The following VPS35L variants were observed in gnomAD, a reference collection of about 807,000 sequenced individuals.
VPS35L encodes the protein VPS35 endosomal protein sorting factor like.
VPS35L carries 83 observed loss-of-function variants against 133.0 expected under a neutral mutation model. The ratio of observed to expected loss-of-function variants is 0.62; its 90% CI spans 0.52 to 0.75. VPS35L has a LOEUF of 0.75. Ranked by LOEUF, VPS35L falls within the 30% of genes least tolerant of loss-of-function variation. The probability of loss-of-function intolerance (pLI) is 0.00; values close to 1 mark genes in which losing one functional copy is unlikely to be tolerated. For synonymous variants in VPS35L, 423 were observed against 449.9 expected, an observed-to-expected ratio of 0.94 and a Z score of 0.76; for missense variants, 1,083 against 1,206.8, an observed-to-expected ratio of 0.90 and a Z score of 1.52.
In VPS35L at chr16:19,675,946, T is replaced by A. The variant is rs546683142; in HGVS notation, c.2362-6279T>A. Among the ~76,000 whole-genome samples, 3 of 152,280 alleles carry A rather than the reference T, an allele frequency of 2.0e-5. No homozygotes were observed. The South Asian group carries it at 6.2e-4, about 32-fold the overall frequency. On this transcript the variant is annotated intron_variant, in intron 27 of 30. Transcript: ENST00000417362. Reference sequence around the variant, plus strand: ...ATGGGTTTGAAAGTTTGATTCATTTTATTTGTTTAGAAAAGATAGGAACTA... The same window carrying A: ...ATGGGTTTGAAAGTTTGATTCATTTAATTTGTTTAGAAAAGATAGGAACTA...
chr16:19,640,543 C>A (rs80154903), intron 21 of VPS35L, among the ~76,000 whole-genome samples: 1 of 152,088 alleles, frequency 6.6e-6, no homozygotes, highest in Non-Finnish European at 1.5e-5. Flanking sequence ...AAGAAGGCAC[C>A]GGTGCTAGAA....
chr16:19,599,375 A>G (rs72767563), intron 8 of VPS35L, among the ~76,000 whole-genome samples: 4,399 of 152,190 alleles, frequency 0.029, 81 homozygotes, highest in Non-Finnish European at 0.042. Flanking sequence ...GGAAAAGGGA[A>G]GTTTGTTGCT....
chr16:19,656,091 C>T (rs1403085800), intron 26 of VPS35L, among the ~76,000 whole-genome samples: 5 of 151,496 alleles, frequency 3.3e-5, no homozygotes, highest in Admixed American at 1.3e-4. Flanking sequence ...GGTGAAACCC[C>T]GTCTCTACTA....
chr16:19,629,690 C>A, intron 17 of VPS35L, 77 bp from the exon 18 acceptor site: 4 of 1,302,216 alleles, frequency 3.1e-6, no homozygotes, highest in Non-Finnish European at 4.4e-6. Flanking sequence ...TTGAACAGAG[C>A]CAGCTGAAGC....
At chr16:19,691,500 C>A in intron 29 of VPS35L, 29 bp downstream of exon 29, 1 of 1,555,180 alleles carries the variant, frequency 6.4e-7, no homozygotes, top group Non-Finnish European at 8.9e-7. Context: ...CCTCCACCCG[C>A]CCCTTGCTCT....
chr16:19,579,071 AT>A lies in VPS35L; in HGVS notation c.455del (p.Leu152TrpfsTer26), dbSNP rs1290311838. ...GTTTAGGCAAAGCTGGGACTGCCACATTGGCAATGTCAGAGAAGGTGCGGAC... is the reference window on the plus strand; with the variant it reads ...GTTTAGGCAAAGCTGGGACTGCCACATGGCAATGTCAGAGAAGGTGCGGAC... ...SEKGKAGTAT[L>X]AMSEKVRTRL... On this transcript the variant is annotated frameshift_variant, in exon 6 of 31. Transcript: ENST00000417362. LOFTEE classifies it high-confidence loss of function. 1 of 1,614,058 alleles carries A rather than the reference AT, an allele frequency of 6.2e-7. No individual in the cohort carries two copies. Among genetic ancestry groups the A allele is most frequent in the Non-Finnish European group, 8.5e-7 (1 of 1,180,042 alleles).
chr16:19,569,468 T>G lies in VPS35L; in HGVS notation c.162T>G (p.Thr54=). Residue 54 remains threonine (T), a synonymous_variant, in exon 3 of 31, where the codon ACT becomes ACG. Coordinates refer to ENST00000417362, the MANE Select transcript of VPS35L (RefSeq NM_020314.7). The part of the protein sequence containing the change: ...KTKKVNRKGS[T]SSTSSSSSSS... ...AGAAAGTGAACCGGAAAGGAAGCACTTCTTCCACGTCCTCCTCCTCCTCCA... is the reference window on the plus strand; with the variant it reads ...AGAAAGTGAACCGGAAAGGAAGCACGTCTTCCACGTCCTCCTCCTCCTCCA... The G allele has an allele frequency of 6.2e-7, 1 of 1,606,424 alleles. No individual in the cohort carries two copies.
At chr16:19,676,570 TAC>T (rs1975069129) in intron 27 of VPS35L, among the ~76,000 whole-genome samples, 8 of 152,174 alleles carry the variant, frequency 5.3e-5, no homozygotes, top group Admixed American at 5.2e-4. Flanking sequence ...CTAGTTTTGA[TAC>T]AGTTGCAATT....
rs1971296265 is a variant in VPS35L, at chr16:19,569,547, A to G, written c.241A>G (p.Met81Val). Residue 81 changes from methionine (M) to valine (V), a missense_variant, in exon 3 of 31, where the codon ATG becomes GTG. Met to Val is a conservative substitution (Grantham distance 21). Coordinates refer to ENST00000417362, the MANE Select transcript of VPS35L (RefSeq NM_020314.7). ...SVLDGTDPLS[M>V]FAATADPAAL... is the part of the protein sequence containing the mutation. ...CCTCGATGGGACTGACCCCCTCTCC[A>G]TGTTTGCAGCCACTGCTGACCCCGC... 3.1e-6 allele frequency: 5 copies of G among 1,593,766 alleles called. No homozygotes were observed. Among genetic ancestry groups the G allele is most frequent in the Non-Finnish European group, 3.4e-6 (4 of 1,170,442 alleles).
At chr16:19,573,370 C>T (rs1037126211) in intron 4 of VPS35L, 129 bp downstream of exon 4, 1 of 1,096,598 alleles carries the variant, frequency 9.1e-7, no homozygotes, top group Non-Finnish European at 1.3e-6. Flanking sequence ...CTCTTAAAAG[C>T]TCACATATAA....
chr16:19,615,183 A>G (rs2084723114), intron 12 of VPS35L, among the ~76,000 whole-genome samples: 1 of 152,146 alleles, frequency 6.6e-6, no homozygotes, highest in Non-Finnish European at 1.5e-5. Flanking sequence ...TGTATGCACA[A>G]TCTTGAGAGT....
At chr16:19,564,749 G>A (rs572549421) in intron 1 of VPS35L, 102 bp from the exon 2 acceptor site, 2 of 779,260 alleles carry the variant, frequency 2.6e-6, no homozygotes, top group Non-Finnish European at 4.2e-6. Flanking sequence ...TGGGAATATT[G>A]TGCTGTTCTA....
At chr16:19,670,224 A>G (rs1317929595) in intron 27 of VPS35L, among the ~76,000 whole-genome samples, 1 of 152,164 alleles carries the variant, frequency 6.6e-6, no homozygotes. Flanking sequence ...CCCCACCTCC[A>G]AATCCCATCA....
At chr16:19,689,931 G>T (rs572519156) in intron 28 of VPS35L, among the ~76,000 whole-genome samples, 4 of 152,120 alleles carry the variant, frequency 2.6e-5, no homozygotes, top group Non-Finnish European at 5.9e-5. Context: ...TGTTTATTTT[G>T]AGACAGGATC....
intron 1 of VPS35L, among the ~76,000 whole-genome samples, chr16:19,563,763 G>A (rs1006960612): frequency 1.3e-5 from 2 of 152,180 alleles, no homozygotes; most frequent in African/African-American, 2.4e-5. Context: ...CTCAATGGGC[G>A]AATACCTTGA....
At chr16:19,637,721 G>C (rs1044840834) in intron 20 of VPS35L, 65 bp downstream of exon 20, 21 of 1,200,164 alleles carry the variant, frequency 1.7e-5, no homozygotes, top group Non-Finnish European at 2.3e-5. Flanking sequence ...CATTGTCTCA[G>C]TAATGTTTTC....
In VPS35L at chr16:19,669,185, A is replaced by T. The variant is rs1234986245; in HGVS notation, c.2247A>T (p.Ile749=). 6.2e-7 allele frequency: 1 copy of T among 1,610,902 alleles called. No individual in the cohort carries two copies. Among genetic ancestry groups the T allele is most frequent in the South Asian group, 1.1e-5 (1 of 90,776 alleles). Residue 749 remains isoleucine (I), a synonymous_variant, in exon 27 of 31, where the codon ATA becomes ATT. Coordinates refer to ENST00000417362, the MANE Select transcript of VPS35L (RefSeq NM_020314.7). ...CTGATGCTTTTTTCAAAGCCGCTAT[A>T]AGCCTTGTTCCGGAAGTTCCAAAGA... is the stretch of plus-strand genomic sequence containing the variant. ...SQADAFFKAA[I]SLVPEVPKMI...
intron 12 of VPS35L, among the ~76,000 whole-genome samples, chr16:19,613,604 T>A (rs1972795300): frequency 6.6e-6 from 1 of 152,184 alleles, no homozygotes. Flanking sequence ...GGAACCTTAT[T>A]GGAAAGTGTG....
chr16:19,677,098 C>T (rs1975090448), intron 27 of VPS35L, among the ~76,000 whole-genome samples: 2 of 149,522 alleles, frequency 1.3e-5, no homozygotes, highest in African/African-American at 4.9e-5. Context: ...TGGAGTCATG[C>T]TCTGTCACCC....
Sources: allele counts gnomAD v4.1 joint callset (sites outside exome capture counted in the v4.1 genomes callset), GRCh38; gene constraint gnomAD v4.1.1; transcripts MANE v1.5; gene names NCBI Gene and HGNC (gene_info 2026-07-23, HGNC 2026-07-21).